TAFA1: variants seen among roughly 807,000 people sequenced by gnomAD.
The protein encoded by TAFA1 is chemokine-like protein TAFA-1.
Under a neutral mutation model 18.5 loss-of-function variants are expected in TAFA1, and 4 were observed. The ratio of observed to expected loss-of-function variants is 0.22; its 90% confidence interval spans 0.11 to 0.49. The LOEUF is 0.49. TAFA1 is among the 20% of genes least tolerant of loss of function. The pLI is 0.98. For synonymous variants in TAFA1, 56 were observed against 55.2 expected (o/e 1.01, Z -0.06); for missense variants, 147 against 169.0 (o/e 0.87, Z 0.72).
At chr3:68,133,873 A>G (rs776386801) in intron 2 of TAFA1, among the ~76,000 whole-genome samples, 1 of 152,158 alleles carries the variant, frequency 6.6e-6, no homozygotes, top group Admixed American at 6.5e-5. Context: ...CATAATATCC[A>G]TATGAGAAAA....
intron 2 of TAFA1, among the ~76,000 whole-genome samples, chr3:68,190,470 A>G (rs2066323523): frequency 1.3e-5 from 2 of 151,930 alleles, no homozygotes; most frequent in Admixed American, 6.6e-5. Context: ...GTACCCTTTT[A>G]GAGTCCATCA....
intron 2 of TAFA1, among the ~76,000 whole-genome samples, chr3:68,342,130 A>G (rs895247476): frequency 2.0e-5 from 3 of 152,184 alleles, no homozygotes; most frequent in Non-Finnish European, 2.9e-5. Context: ...CCTAGAAATG[A>G]TCACTGACTC....
intron 2 of TAFA1, among the ~76,000 whole-genome samples, chr3:68,055,002 G>A (rs150941160): frequency 6.6e-6 from 1 of 152,120 alleles, no homozygotes; most frequent in East Asian, 1.9e-4. Context: ...TCTATGCCTT[G>A]GTTTAGGGTC....
intron 2 of TAFA1, among the ~76,000 whole-genome samples, chr3:68,112,263 T>C (rs967909390): frequency 1.3e-5 from 2 of 152,098 alleles, no homozygotes; most frequent in Admixed American, 6.6e-5. Flanking sequence ...AAGTAGAAAT[T>C]CTAAACAAAT....
chr3:68,038,562 G>T (rs1055552510), intron 2 of TAFA1, among the ~76,000 whole-genome samples: 1 of 152,124 alleles, frequency 6.6e-6, no homozygotes, highest in African/African-American at 2.4e-5. Flanking sequence ...ATGTCAAGTG[G>T]ATGTATAAAT....
intron 3 of TAFA1, among the ~76,000 whole-genome samples, chr3:68,492,835 T>A (rs1187534788): frequency 6.6e-6 from 1 of 152,148 alleles, no homozygotes; most frequent in African/African-American, 2.4e-5. Flanking sequence ...AGCACTTGAT[T>A]AAGCCATGTA....
chr3:68,516,864 C>A (rs2072928374), intron 3 of TAFA1, among the ~76,000 whole-genome samples: 1 of 152,248 alleles, frequency 6.6e-6, no homozygotes, highest in Non-Finnish European at 1.5e-5. Context: ...ACCTCCACGT[C>A]CTGGGTTCAA....
intron 2 of TAFA1, among the ~76,000 whole-genome samples, chr3:68,015,650 C>A (rs1036437865): frequency 4.6e-5 from 7 of 152,138 alleles, no homozygotes; most frequent in African/African-American, 1.7e-4. Flanking sequence ...AAAACAGAAG[C>A]ATCAAGCAGC....
At chr3:68,017,703 G>C (rs1198479449) in intron 2 of TAFA1, among the ~76,000 whole-genome samples, 3 of 152,206 alleles carry the variant, frequency 2.0e-5, no homozygotes, top group African/African-American at 4.8e-5. Flanking sequence ...TACTGTTTAA[G>C]ATAGTGCAGC....
intron 3 of TAFA1, among the ~76,000 whole-genome samples, chr3:68,491,865 A>G (rs2072459701): frequency 6.6e-6 from 1 of 152,174 alleles, no homozygotes; most frequent in South Asian, 2.1e-4. Context: ...CTACCAAATC[A>G]GAATCTCTGC....
chr3:68,257,676 G>A (rs1284501910), intron 2 of TAFA1, among the ~76,000 whole-genome samples: 2 of 152,032 alleles, frequency 1.3e-5, no homozygotes, highest in Non-Finnish European at 2.9e-5. Flanking sequence ...AGCTTAGAAG[G>A]GACTGTTACA....
intron 3 of TAFA1, among the ~76,000 whole-genome samples, chr3:68,448,898 G>C (rs1007469613): frequency 6.6e-6 from 1 of 152,118 alleles, no homozygotes; most frequent in African/African-American, 2.4e-5. Context: ...ATAAAACACT[G>C]TGTTAATTCT....
intron 2 of TAFA1, among the ~76,000 whole-genome samples, chr3:68,271,195 CT>C (rs1376701117): frequency 6.6e-6 from 1 of 151,998 alleles, no homozygotes; most frequent in Non-Finnish European, 1.5e-5. Flanking sequence ...CAGAAAACAT[CT>C]CTTCATGAGG....
At chr3:68,472,612 A>G (rs1029265955) in intron 3 of TAFA1, among the ~76,000 whole-genome samples, 2 of 152,110 alleles carry the variant, frequency 1.3e-5, no homozygotes, top group Non-Finnish European at 2.9e-5. Flanking sequence ...ATATATATCT[A>G]TATACTGGTT....
intron 2 of TAFA1, among the ~76,000 whole-genome samples, chr3:68,233,143 G>T (rs1246395018): frequency 6.6e-6 from 1 of 151,844 alleles, no homozygotes; most frequent in East Asian, 1.9e-4. Flanking sequence ...CTGGCCTTTT[G>T]TATATCTTTT....
intron 3 of TAFA1, among the ~76,000 whole-genome samples, chr3:68,473,034 C>T (rs1319211462): frequency 1.3e-5 from 2 of 152,066 alleles, no homozygotes; most frequent in African/African-American, 2.4e-5. Flanking sequence ...AAGTAATTGC[C>T]AACAAGTTGG....
chr3:68,117,201 T>A (rs748042586), intron 2 of TAFA1, among the ~76,000 whole-genome samples: 1 of 152,238 alleles, frequency 6.6e-6, no homozygotes, highest in Non-Finnish European at 1.5e-5. Flanking sequence ...TTAAGTACCC[T>A]TCATTTTCCC....
Position 68,426,043 on chromosome 3 carries a change from A to G in TAFA1, c.259+8623A>G, listed in dbSNP as rs1460057263. Reference sequence around the variant, plus strand: ...AAGTGAATAAACTAATTTTGAATGAATTATTTTTTCTAAAAAATTAATTTT... The same window carrying G: ...AAGTGAATAAACTAATTTTGAATGAGTTATTTTTTCTAAAAAATTAATTTT... On this transcript the variant is annotated intron_variant, in intron 3 of 4. Transcript: ENST00000478136. 1.5e-4 allele frequency among the ~76,000 whole-genome samples: 8 copies of G among 52,482 alleles called. No individual in the cohort carries two copies. In the East Asian group the frequency reaches 7.9e-3, roughly 52 times the overall value. 34.4% of individuals were successfully genotyped at this position (52,482 alleles called of 152,430 possible). A position where few individuals can be genotyped will look rare whatever the true frequency, so the allele number is the denominator to read the frequency against.
At chr3:68,511,207 A>G (rs1025599821) in intron 3 of TAFA1, among the ~76,000 whole-genome samples, 1 of 152,194 alleles carries the variant, frequency 6.6e-6, no homozygotes, top group Admixed American at 6.5e-5. Context: ...AAACAAACAT[A>G]TAGTATAAAT....
Sources: gnomAD v4.1 joint callset for allele counts (sites outside exome capture counted in the v4.1 genomes callset) on GRCh38, gnomAD v4.1.1 for gene constraint, MANE v1.5 for transcripts, NCBI Gene and HGNC (gene_info 2026-07-23, HGNC 2026-07-21) for gene names.